The following TIAM2 variants were observed in gnomAD, a reference collection of about 807,000 sequenced individuals.
The protein encoded by TIAM2 is rho guanine nucleotide exchange factor TIAM2.
In TIAM2, 80 loss-of-function variants were observed where a neutral mutation model predicts 152.9. The ratio of observed to expected loss-of-function variants is 0.52; its 90% CI spans 0.44 to 0.63. The LOEUF is 0.63. TIAM2 is among the 30% of genes least tolerant of loss of function. The pLI, the probability that TIAM2 is intolerant of heterozygous loss-of-function variation, is 0.00. For synonymous variants in TIAM2, 804 were observed against 838.0 expected (o/e 0.96, Z 0.70); for missense variants, 1,965 against 2,120.1 (o/e 0.93, Z 1.44).
At chr6:155,256,010 T>TA (rs1554248978) in intron 26 of TIAM2, 21,981 of 145,926 alleles carry the variant, frequency 0.15, 1,595 homozygotes, top group East Asian at 0.24. Flanking sequence ...ACACTGTCTT[T>TA]AAAAAAAAAG....
intron 1 of TIAM2, among the ~76,000 whole-genome samples, chr6:155,042,855 C>T (rs907396575): frequency 3.3e-5 from 5 of 152,076 alleles, no homozygotes; most frequent in Admixed American, 3.3e-4. Flanking sequence ...TACAATAGAG[C>T]TCTTGAACTT....
chr6:155,167,181 AAAT>A (rs1780463706), intron 9 of TIAM2, among the ~76,000 whole-genome samples: 1 of 152,086 alleles, frequency 6.6e-6, no homozygotes, highest in Non-Finnish European at 1.5e-5. Flanking sequence ...TCATATACAA[AAAT>A]AATATCAGAT....
intron 22 of TIAM2, among the ~76,000 whole-genome samples, 200 bp downstream of exon 22, chr6:155,251,221 G>A (rs962716839): frequency 6.6e-6 from 1 of 152,190 alleles, no homozygotes; most frequent in African/African-American, 2.4e-5. Context: ...TCTCCCTTCT[G>A]CTGCTTGGCT....
rs559307371 is a variant in TIAM2, at chr6:155,070,209, C to CTTTTTTTT, written c.-208-20058_-208-20051dup. On this transcript the variant is annotated intron_variant, in intron 1 of 26. Coordinates refer to ENST00000682666, the MANE Select transcript of TIAM2 (RefSeq NM_012454.4). ...GTATGAGCCACCGCGCCTGGCCAGA[C>CTTTTTTTT]TTTTTTTTTTTTTTTTTTTTTTTTT... 6.3e-4 allele frequency among the ~76,000 whole-genome samples: 28 copies of CTTTTTTTT among 44,144 alleles called. 2 individuals carry two copies. Among genetic ancestry groups the CTTTTTTTT allele is most frequent in the African/African-American group, 3.2e-3 (27 of 8,320 alleles). The allele number at this position is 44,144 out of a possible 152,430, so 29.0% of individuals were successfully genotyped here. A position where few individuals can be genotyped will look rare whatever the true frequency, so the allele number is the denominator to read the frequency against.
intron 15 of TIAM2, among the ~76,000 whole-genome samples, chr6:155,236,457 G>GT (rs1195212108): frequency 1.3e-5 from 2 of 152,088 alleles, no homozygotes; most frequent in East Asian, 3.9e-4. Context: ...GAGGTCAGGA[G>GT]TTTAAGACCA....
At chr6:155,064,472 T>G (rs1351271936) in intron 1 of TIAM2, among the ~76,000 whole-genome samples, 1 of 152,210 alleles carries the variant, frequency 6.6e-6, no homozygotes, top group African/African-American at 2.4e-5. Flanking sequence ...GAATATAGTT[T>G]GAGCTGGAAT....
intron 15 of TIAM2, among the ~76,000 whole-genome samples, chr6:155,231,951 C>T (rs1349906280): frequency 1.3e-5 from 2 of 152,094 alleles, no homozygotes; most frequent in Non-Finnish European, 2.9e-5. Flanking sequence ...CTTGGTGGCA[C>T]GCACCTGTAA....
At chr6:155,252,899 T>A in intron 23 of TIAM2, 49 bp from the exon 24 acceptor site, 1 of 1,516,298 alleles carries the variant, frequency 6.6e-7, no homozygotes, top group Non-Finnish European at 9.2e-7. Context: ...ACATCCTCCC[T>A]CAGTGACAGC....
At chr6:155,169,573 TC>T (rs1780529071) in intron 9 of TIAM2, among the ~76,000 whole-genome samples, 1 of 152,228 alleles carries the variant, frequency 6.6e-6, no homozygotes, top group African/African-American at 2.4e-5. Context: ...CATTTTCCTC[TC>T]AGGGTTGTCA....
intron 4 of TIAM2, among the ~76,000 whole-genome samples, chr6:155,136,188 C>G (rs997363672): frequency 3.4e-5 from 5 of 146,148 alleles, no homozygotes; most frequent in African/African-American, 1.3e-4. Flanking sequence ...GAGCGAAACT[C>G]CATCTCAAAA....
chr6:155,075,083 C>T (rs1180177020), intron 1 of TIAM2, among the ~76,000 whole-genome samples: 1 of 151,848 alleles, frequency 6.6e-6, no homozygotes, highest in South Asian at 2.1e-4. Flanking sequence ...GGGCAGTGGG[C>T]AAGGAATGCA....
chr6:155,194,621 C>G (rs1781291361), intron 14 of TIAM2, among the ~76,000 whole-genome samples: 1 of 152,194 alleles, frequency 6.6e-6, no homozygotes. Flanking sequence ...CAATAAATCA[C>G]TGGGCACATA....
Position 154,995,792 on chromosome 6 carries a change from C to T in TIAM2, c.-209+300C>T, listed in dbSNP as rs1249657498. Among the ~76,000 whole-genome samples the T allele has an allele frequency of 1.3e-5, 2 of 152,194 alleles. No individual in the cohort carries two copies. The highest frequency in any genetic ancestry group is 6.5e-5 in the Admixed American group (1 of 15,284). On this transcript the variant is annotated intron_variant, in intron 1 of 26. Coordinates refer to ENST00000682666, the MANE Select transcript of TIAM2 (RefSeq NM_012454.4). This position sits in a 1 kb window ranked among gnomAD's most constrained non-coding sequence, Gnocchi z 5.2. ...CCTGGTCCCCTCGCGCTGCGCGACA[C>T]GCCAGGACCCACTTTCAGCCCCGGT...
intron 1 of TIAM2, among the ~76,000 whole-genome samples, chr6:155,034,109 TTCTCCC>T (rs2114895246): frequency 6.6e-6 from 1 of 152,080 alleles, no homozygotes; most frequent in East Asian, 1.9e-4. Context: ...AACAGTGAGG[TTCTCCC>T]TAGGGTGCCA....
Position 155,254,049 on chromosome 6 carries a change from G to A in TIAM2, c.4302G>A (p.Gln1434=), listed in dbSNP as rs1291360109. The part of the protein sequence containing the change: ...EIEGRPETIF[Q]LCCSDSESKT... ...AAGGACGGCCAGAAACCATCTTTCA[G>A]TTGTGTTGCAGGTATGACTGACTTC... The change falls in exon 25 of 27, where the codon CAG becomes CAA. Residue 1434 remains glutamine (Q), a synonymous_variant. Transcript: ENST00000682666. 5 of 1,614,060 alleles carry A rather than the reference G, an allele frequency of 3.1e-6. No homozygotes were observed. The highest frequency in any genetic ancestry group is 2.2e-5 in the East Asian group (1 of 44,882).
intron 15 of TIAM2, among the ~76,000 whole-genome samples, chr6:155,220,357 G>A (rs550880178): frequency 6.6e-6 from 1 of 152,332 alleles, no homozygotes; most frequent in African/African-American, 2.4e-5. Context: ...TGGAATACAC[G>A]TATGTCTAGG....
intron 9 of TIAM2, among the ~76,000 whole-genome samples, chr6:155,175,602 C>G (rs1295035444): frequency 6.6e-6 from 1 of 152,134 alleles, no homozygotes. Context: ...CTGAATCGTA[C>G]GTAGCAAGGT....
intron 1 of TIAM2, among the ~76,000 whole-genome samples, chr6:155,069,807 T>C (rs116719195): frequency 1.2e-3 from 182 of 152,282 alleles, no homozygotes; most frequent in African/African-American, 4.1e-3. Context: ...AGTGGAGATA[T>C]TGAAGAAATA....
Position 155,129,334 on chromosome 6 carries a change from A to C in TIAM2, c.111A>C (p.Ala37=). Residue 37 remains alanine, a synonymous_variant, in exon 4 of 27, where the codon GCA becomes GCC. Coordinates refer to ENST00000682666, the MANE Select transcript of TIAM2 (RefSeq NM_012454.4). This position sits in a 1 kb window ranked among gnomAD's most constrained non-coding sequence, Gnocchi z 4.8. The part of the protein sequence containing the change: ...PCSLKIRGIH[A]KEEKSLHGWG... ...CCCTGAAAATACGTGGCATTCATGCAAAAGAGGAAAAGTCATTGCATGGAT... is the reference window on the plus strand; with the variant it reads ...CCCTGAAAATACGTGGCATTCATGCCAAAGAGGAAAAGTCATTGCATGGAT... 2 of 1,614,208 alleles carry C rather than the reference A, an allele frequency of 1.2e-6. No homozygotes were observed. Among genetic ancestry groups the C allele is most frequent in the Non-Finnish European group, 1.7e-6 (2 of 1,180,044 alleles).
Sources: gnomAD v4.1 joint callset for allele counts (sites outside exome capture counted in the v4.1 genomes callset) on GRCh38, gnomAD v4.1.1 for gene constraint, Gnocchi (gnomAD v3.1) non-coding constraint, MANE v1.5 for transcripts, NCBI Gene and HGNC (gene_info 2026-07-23, HGNC 2026-07-21) for gene names.